Variants in PAWR observed in about 807,000 individuals in gnomAD.
The protein encoded by PAWR is pro-apoptotic WT1 regulator.
A neutral mutation model predicts 32.0 loss-of-function variants in PAWR; 23 were observed. The observed-to-expected ratio is 0.72, with a 90% CI of 0.52 to 1.02. PAWR has a LOEUF of 1.02. PAWR is among the 50% of genes least tolerant of loss of function. The probability of loss-of-function intolerance (pLI) is 0.00; values close to 1 mark genes in which losing one functional copy is unlikely to be tolerated. For missense variants in PAWR, 457 were observed against 437.7 expected (o/e 1.04, Z -0.39); for synonymous variants, 226 against 187.1 (o/e 1.21, Z -1.70).
At chr12:79,665,247 A>G (rs776259985) in intron 2 of PAWR, among the ~76,000 whole-genome samples, 5 of 152,202 alleles carry the variant, frequency 3.3e-5, no homozygotes, top group Admixed American at 6.5e-5. Flanking sequence ...TCTTCAAACC[A>G]TAACTATTCT....
chr12:79,675,394 A>G (rs1376898405), intron 2 of PAWR, among the ~76,000 whole-genome samples: 1 of 152,150 alleles, frequency 6.6e-6, no homozygotes, highest in East Asian at 1.9e-4. Flanking sequence ...TATAAAAATA[A>G]AAATAAAATA....
rs8176808 is a variant in PAWR at position 79,689,314 on chromosome 12, T to C, written c.516+415A>G. ...TTAAACATTGGTAAGAAAGGAGAAA[T>C]AAACTGGTAACTTCACATGGGCACG... On this transcript the variant is annotated intron_variant, in intron 2 of 6. Transcript: ENST00000328827. Among the ~76,000 whole-genome samples the C allele has an allele frequency of 9.7e-3, 1,472 of 152,298 alleles. 13 individuals carry two copies. Among genetic ancestry groups the C allele is most frequent in the Non-Finnish European group, 0.015 (999 of 68,036 alleles).
chr12:79,596,454 A>G (rs1305750540), intron 5 of PAWR, 57 bp downstream of exon 5: 2 of 879,564 alleles, frequency 2.3e-6, no homozygotes, highest in Non-Finnish European at 3.4e-6. Context: ...GCTATGAAAC[A>G]AAAGAATTCT....
At chr12:79,686,906 T>C (rs1409510724) in intron 2 of PAWR, among the ~76,000 whole-genome samples, 1 of 152,148 alleles carries the variant, frequency 6.6e-6, no homozygotes, top group Non-Finnish European at 1.5e-5. Context: ...TCTTCCTAGA[T>C]TATAGCCTTG....
intron 2 of PAWR, among the ~76,000 whole-genome samples, chr12:79,652,881 G>A (rs1276857952): frequency 6.6e-6 from 1 of 152,174 alleles, no homozygotes; most frequent in African/African-American, 2.4e-5. Flanking sequence ...AAATAATATA[G>A]AACTTCAATT....
At chr12:79,641,842 T>C (rs1876337463) in intron 2 of PAWR, among the ~76,000 whole-genome samples, 1 of 66,046 alleles carries the variant, frequency 1.5e-5, no homozygotes, top group Non-Finnish European at 2.4e-5. Context: ...CGAGACTCCG[T>C]CTCAAAAAAA....
chr12:79,637,270 C>T (rs571737567), intron 2 of PAWR, among the ~76,000 whole-genome samples: 12 of 152,152 alleles, frequency 7.9e-5, no homozygotes, highest in African/African-American at 2.6e-4. Context: ...AAATGAGTTA[C>T]TATAACCATG....
At chr12:79,626,875 T>C (rs1295998840) in intron 2 of PAWR, among the ~76,000 whole-genome samples, 3 of 152,124 alleles carry the variant, frequency 2.0e-5, no homozygotes, top group African/African-American at 7.2e-5. Flanking sequence ...TTGCTGAGAA[T>C]GATGGTTTCC....
chr12:79,601,103 T>C (rs988384454), intron 4 of PAWR, among the ~76,000 whole-genome samples: 1 of 151,792 alleles, frequency 6.6e-6, no homozygotes, highest in African/African-American at 2.4e-5. Flanking sequence ...AACCTATAAA[T>C]TGTGGCCCAT....
chr12:79,673,559 C>T (rs1049832350), intron 2 of PAWR, among the ~76,000 whole-genome samples: 1 of 152,116 alleles, frequency 6.6e-6, no homozygotes, highest in African/African-American at 2.4e-5. Flanking sequence ...CTTATTGTGC[C>T]CCTCAGTGAC....
chr12:79,608,590 TCA>T (rs769363523), intron 4 of PAWR, among the ~76,000 whole-genome samples: 4 of 152,262 alleles, frequency 2.6e-5, no homozygotes, highest in Non-Finnish European at 4.4e-5. Context: ...CTTAAAGTAT[TCA>T]CAGTGTCTCA....
At chr12:79,622,834 G>A (rs1395265603) in intron 2 of PAWR, among the ~76,000 whole-genome samples, 1 of 152,130 alleles carries the variant, frequency 6.6e-6, no homozygotes, top group African/African-American at 2.4e-5. Flanking sequence ...CAGGAGACTA[G>A]TATCTTTTGC....
chr12:79,626,511 G>A (rs544143689), intron 2 of PAWR, among the ~76,000 whole-genome samples: 3 of 151,306 alleles, frequency 2.0e-5, no homozygotes, highest in South Asian at 2.1e-4. Flanking sequence ...CACCCCCCAC[G>A]GCCTCCCAAA....
At position 79,620,961 on chromosome 12, in the gene PAWR, T is replaced by A. The variant is rs562641087; in HGVS notation, c.648+115A>T. 6.9e-4 allele frequency: 513 copies of A among 743,076 alleles called. 2 individuals are homozygous for A. The highest frequency in any genetic ancestry group is 8.9e-4 in the Non-Finnish European group (405 of 456,948). 46.0% of individuals were successfully genotyped at this position (743,076 alleles called of 1,614,324 possible). On this transcript the variant is annotated intron_variant, in intron 3 of 6. Coordinates refer to ENST00000328827, the MANE Select transcript of PAWR (RefSeq NM_002583.4). ...GAACCCACTTATGGTAAGGAAGGCATAAGTAGGAGGAAAGGAGGCAATGGG... is the reference window on the plus strand; with the variant it reads ...GAACCCACTTATGGTAAGGAAGGCAAAAGTAGGAGGAAAGGAGGCAATGGG...
At chr12:79,683,188 A>G (rs117449026) in intron 2 of PAWR, among the ~76,000 whole-genome samples, 2 of 152,322 alleles carry the variant, frequency 1.3e-5, no homozygotes, top group South Asian at 2.1e-4. Flanking sequence ...CTGTTAAAAT[A>G]TGCACAGTTT....
At chr12:79,681,126 A>G (rs1315771296) in intron 2 of PAWR, among the ~76,000 whole-genome samples, 1 of 16,340 alleles carries the variant, frequency 6.1e-5, no homozygotes, top group African/African-American at 2.3e-4. Context: ...AAGGAGAAGA[A>G]GGGAGGGGAG....
intron 1 of PAWR, 158 bp downstream of exon 1, chr12:79,690,714 C>T (rs1050585625): frequency 6.5e-6 from 1 of 153,022 alleles, no homozygotes; most frequent in African/African-American, 2.4e-5. Context: ...CGTCGTATCG[C>T]CTGCTCCGCG....
chr12:79,656,643 G>T (rs1055294940), intron 2 of PAWR, among the ~76,000 whole-genome samples: 15 of 152,162 alleles, frequency 9.9e-5, no homozygotes, highest in Non-Finnish European at 2.2e-4. Flanking sequence ...TCAAGCTCAA[G>T]AGGAAAATAT....
At chr12:79,649,378 CACTA>C (rs1054252431) in intron 2 of PAWR, among the ~76,000 whole-genome samples, 5 of 151,858 alleles carry the variant, frequency 3.3e-5, no homozygotes, top group African/African-American at 1.2e-4. Flanking sequence ...TACCATAGGT[CACTA>C]GATACAAAAA....
Sources: gnomAD v4.1 joint callset for allele counts (sites outside exome capture counted in the v4.1 genomes callset) on GRCh38, gnomAD v4.1.1 for gene constraint, MANE v1.5 for transcripts, NCBI Gene and HGNC (gene_info 2026-07-23, HGNC 2026-07-21) for gene names.